Variants in DTNA observed in about 807,000 individuals in gnomAD.
DTNA encodes the protein dystrophin-related protein 3.
A neutral mutation model predicts 100.7 loss-of-function variants in DTNA; 43 were observed. The observed-to-expected ratio is 0.43, with a 90% CI of 0.33 to 0.55. DTNA has a LOEUF of 0.55. Among genes scored for constraint, DTNA ranks in the 20% least tolerant of loss-of-function variants. DTNA has a pLI of 0.04. For missense variants in DTNA, 798 were observed against 953.9 expected (o/e 0.84, Z 2.15); for synonymous variants, 349 against 347.9 (o/e 1.00, Z -0.04).
At chr18:34,740,526 A>T (rs1482568854) in intron 1 of DTNA, among the ~76,000 whole-genome samples, 1 of 152,208 alleles carries the variant, frequency 6.6e-6, no homozygotes, top group Non-Finnish European at 1.5e-5. Context: ...ATACTGGCAC[A>T]TCACAAGCAT....
intron 7 of DTNA, among the ~76,000 whole-genome samples, chr18:34,817,459 T>C (rs2095620056): frequency 6.6e-6 from 1 of 152,178 alleles, no homozygotes; most frequent in Non-Finnish European, 1.5e-5. Context: ...CTTTGCCTGC[T>C]TTATAATTCA....
At chr18:34,582,947 C>T (rs2048779191) in intron 1 of DTNA, among the ~76,000 whole-genome samples, 2 of 152,122 alleles carry the variant, frequency 1.3e-5, no homozygotes, top group Non-Finnish European at 2.9e-5. Context: ...TTTACATTGT[C>T]TTCTAACAAA....
In DTNA at chr18:34,888,450, C is replaced by T. The variant is rs1055418455; in HGVS notation, c.*716C>T. ...TGAACCAAACACACCAGGAATAATCCATTCTTTGGGGCCTCTTTCCAACTC... is the reference window on the plus strand; with the variant it reads ...TGAACCAAACACACCAGGAATAATCTATTCTTTGGGGCCTCTTTCCAACTC... On this transcript the variant is annotated 3_prime_UTR_variant, in exon 23 of 23. Transcript: ENST00000444659. 6.3e-5 allele frequency: 62 copies of T among 985,646 alleles called. No individual in the cohort carries two copies. The African/African-American group carries it at 1.0e-3, about 16-fold the overall frequency. The allele number at this position is 985,646 out of a possible 1,614,324, so 61.1% of individuals were successfully genotyped here.
Position 34,633,729 on chromosome 18 carries a change from A to G in DTNA, c.-1-122247A>G, listed in dbSNP as rs79698761. ...GTCTGACCACCTAACATTAATTGCT[A>G]AGAATGGGGCCAGCCCAAGGATATC... On this transcript the variant is annotated intron_variant, in intron 1 of 19. Coordinates refer to the DTNA transcript ENST00000283365. 6.4e-3 allele frequency among the ~76,000 whole-genome samples: 974 copies of G among 152,288 alleles called. 7 individuals are homozygous for G. The highest frequency in any genetic ancestry group is 0.023 in the African/African-American group (937 of 41,542).
chr18:34,495,727 C>T (rs182507292), intron 1 of DTNA, among the ~76,000 whole-genome samples: 3 of 152,220 alleles, frequency 2.0e-5, no homozygotes, highest in Admixed American at 6.5e-5. Flanking sequence ...AATTGTGTAG[C>T]GGTGAAGACT....
Position 34,740,972 on chromosome 18 carries a change from T to C in DTNA, c.-1-15004T>C, listed in dbSNP as rs189962262. ...ACAGGCATCATGAATCAGAGGAGCA[T>C]GATGTATGTGTGGGTATTTTTATTT... On this transcript the variant is annotated intron_variant, in intron 1 of 22. Transcript: ENST00000444659. 2.2e-4 allele frequency among the ~76,000 whole-genome samples: 33 copies of C among 152,286 alleles called. 1 individual carries two copies. The highest frequency in any genetic ancestry group is 1.5e-3 in the Admixed American group (23 of 15,294).
At chr18:34,596,710 A>G (rs1414747380) in intron 1 of DTNA, among the ~76,000 whole-genome samples, 1 of 152,182 alleles carries the variant, frequency 6.6e-6, no homozygotes, top group Non-Finnish European at 1.5e-5. Flanking sequence ...TGCTGATATC[A>G]TTAATGATTT....
chr18:34,697,527 G>A (rs944581585), intron 1 of DTNA, among the ~76,000 whole-genome samples: 4 of 152,106 alleles, frequency 2.6e-5, no homozygotes, highest in African/African-American at 9.7e-5. Flanking sequence ...CTGGACTGGA[G>A]AAGAGATGAC....
chr18:34,855,942 G>C (rs1036081594), intron 15 of DTNA, among the ~76,000 whole-genome samples: 27 of 145,126 alleles, frequency 1.9e-4, no homozygotes, highest in African/African-American at 7.1e-4. Flanking sequence ...GCCTCCATGT[G>C]GTTCTGTCTA....
rs35030778 is a variant in DTNA, at chr18:34,659,085, C to CGTGT, written c.-1-96879_-1-96876dup. ...ACTGCCTTCCTATCCATTTACTGTA[C>CGTGT]GTGTGTGTGTGTGTGCACGCATGTG... On this transcript the variant is annotated intron_variant, in intron 1 of 19. Transcript: ENST00000283365. Among the ~76,000 whole-genome samples the CGTGT allele has an allele frequency of 2.9e-3, 436 of 151,292 alleles. 3 individuals are homozygous for CGTGT. Among genetic ancestry groups the CGTGT allele is most frequent in the Non-Finnish European group, 4.9e-3 (330 of 67,736 alleles).
intron 1 of DTNA, among the ~76,000 whole-genome samples, chr18:34,752,893 G>A (rs1318888298): frequency 6.6e-6 from 1 of 152,120 alleles, no homozygotes; most frequent in Non-Finnish European, 1.5e-5. Context: ...GCTTTAAAAT[G>A]TATGGTCCTA....
intron 1 of DTNA, among the ~76,000 whole-genome samples, chr18:34,515,918 CTTTCA>C (rs948712631): frequency 1.8e-4 from 27 of 152,218 alleles, no homozygotes; most frequent in African/African-American, 6.3e-4. Context: ...TAGCCCCACC[CTTTCA>C]TTTAAGAGAG....
At chr18:34,564,228 C>G (rs1377744884) in intron 1 of DTNA, among the ~76,000 whole-genome samples, 2 of 152,074 alleles carry the variant, frequency 1.3e-5, no homozygotes, top group East Asian at 1.9e-4. Context: ...CTGAAACTTT[C>G]ACCTTCTGGG....
chr18:34,733,873 T>C (rs1601059768), intron 1 of DTNA, among the ~76,000 whole-genome samples: 1 of 152,166 alleles, frequency 6.6e-6, no homozygotes, highest in South Asian at 2.1e-4. Flanking sequence ...GCAAATAAAC[T>C]ATTAGAATAT....
At chr18:34,503,387 A>G (rs1254331029) in intron 1 of DTNA, among the ~76,000 whole-genome samples, 1 of 138,876 alleles carries the variant, frequency 7.2e-6, no homozygotes, top group Non-Finnish European at 1.5e-5. Context: ...TCCCAGGTTC[A>G]TGCCATTCTC....
At position 34,733,222 on chromosome 18, in the gene DTNA, A is replaced by T. The variant is rs1238485352; in HGVS notation, c.-1-22754A>T. On this transcript the variant is annotated intron_variant, in intron 1 of 22. Transcript: ENST00000444659. ...CTCAAAAGGAGCCAGCCTCCCCTTCATTCGAAGGCTTCTGGGTCTGCAAAC... is the reference window on the plus strand; with the variant it reads ...CTCAAAAGGAGCCAGCCTCCCCTTCTTTCGAAGGCTTCTGGGTCTGCAAAC... 3.9e-5 allele frequency among the ~76,000 whole-genome samples: 6 copies of T among 152,150 alleles called. No individual in the cohort carries two copies. The East Asian group carries it at 1.2e-3, about 29-fold the overall frequency.
chr18:34,688,389 C>T (rs138485729), intron 1 of DTNA, among the ~76,000 whole-genome samples: 8,372 of 152,204 alleles, frequency 0.055, 301 homozygotes, highest in Non-Finnish European at 0.076. Context: ...TTTATTTCTC[C>T]TTCACTTATG....
chr18:34,555,551 G>C (rs533584576), intron 1 of DTNA, among the ~76,000 whole-genome samples: 2 of 151,910 alleles, frequency 1.3e-5, no homozygotes, highest in Non-Finnish European at 2.9e-5. Context: ...CTTTGAATGC[G>C]TCCCAGAGAT....
chr18:34,780,412 G>A (rs1488954976), intron 3 of DTNA, among the ~76,000 whole-genome samples: 1 of 152,196 alleles, frequency 6.6e-6, no homozygotes, highest in Non-Finnish European at 1.5e-5. Flanking sequence ...ATTGAGAAAA[G>A]CATGTGGACC....
Sources: gnomAD v4.1 joint callset for allele counts (sites outside exome capture counted in the v4.1 genomes callset) on GRCh38, gnomAD v4.1.1 for gene constraint, MANE v1.5 for transcripts, NCBI Gene and HGNC (gene_info 2026-07-23, HGNC 2026-07-21) for gene names.